The following CAPS2 variants were observed in gnomAD, a reference collection of about 807,000 sequenced individuals.
CAPS2 encodes calcyphosin-2.
In CAPS2, 98 loss-of-function variants were observed where a neutral mutation model predicts 86.5. The observed-to-expected ratio is 1.13, with a 90% CI of 0.96 to 1.34. The LOEUF (loss-of-function observed/expected upper bound fraction) is 1.34, where lower values mean the gene tolerates loss of function less well. CAPS2 is among the 40% of genes most tolerant of loss of function. The pLI is 0.00. For missense variants in CAPS2, 729 were observed against 686.8 expected, an observed-to-expected ratio of 1.06 and a Z score of -0.69; for synonymous variants, 210 against 225.1, an observed-to-expected ratio of 0.93 and a Z score of 0.60.
At chr12:75,324,677 T>C (rs2040602946) in intron 2 of CAPS2, among the ~76,000 whole-genome samples, 1 of 152,102 alleles carries the variant, frequency 6.6e-6, no homozygotes, top group Non-Finnish European at 1.5e-5. Flanking sequence ...GCTTAGTAAA[T>C]TACTAAGTTT....
chr12:75,277,870 G>A (rs1365309934), exon 17 of CAPS2: 25 of 896,582 alleles, frequency 2.8e-5, no homozygotes, highest in Admixed American at 1.9e-4. Context: ...GACTAGCAAA[G>A]AATTTAGAAA....
At chr12:75,285,056 G>T (rs758589318) in exon 15 of CAPS2, 1 of 1,610,604 alleles carries the variant, frequency 6.2e-7, no homozygotes, top group South Asian at 1.1e-5. Flanking sequence ...TTGTCATTCA[G>T]AATTAGCCAT....
exon 17 of CAPS2, chr12:75,278,749 A>G (rs887548932): frequency 5.0e-5 from 66 of 1,328,286 alleles, no homozygotes; most frequent in Non-Finnish European, 6.1e-5. Flanking sequence ...TTGAGAAAAC[A>G]AAACAAAACA....
intron 1 of CAPS2, among the ~76,000 whole-genome samples, chr12:75,389,325 T>G (rs2045454302): frequency 2.0e-5 from 3 of 152,212 alleles, no homozygotes; most frequent in Admixed American, 6.5e-5. Context: ...TTAGCTGGGC[T>G]GTGACACACA....
intron 1 of CAPS2, among the ~76,000 whole-genome samples, chr12:75,374,237 G>A (rs575438748): frequency 1.3e-5 from 2 of 152,322 alleles, no homozygotes; most frequent in African/African-American, 2.4e-5. Context: ...GCCTGGACCT[G>A]TTGCAGAGCC....
At chr12:75,384,810 T>C (rs1339432025) in intron 1 of CAPS2, among the ~76,000 whole-genome samples, 1 of 151,806 alleles carries the variant, frequency 6.6e-6, no homozygotes, top group African/African-American at 2.4e-5. Context: ...TATTACATGA[T>C]GGAGTGGAAT....
intron 1 of CAPS2, chr12:75,370,946 T>C (rs1308855264): frequency 6.6e-6 from 1 of 152,216 alleles, no homozygotes; most frequent in Non-Finnish European, 1.5e-5. Context: ...GAGTAAATTA[T>C]CTGGATGTTT....
chr12:75,356,077 G>C (rs2139506719), intron 1 of CAPS2, among the ~76,000 whole-genome samples: 1 of 151,938 alleles, frequency 6.6e-6, no homozygotes, highest in South Asian at 2.1e-4. Flanking sequence ...AACCACAATG[G>C]CACACATTTA....
chr12:75,377,376 A>G (rs929295808), intron 1 of CAPS2, among the ~76,000 whole-genome samples: 3 of 152,210 alleles, frequency 2.0e-5, no homozygotes, highest in African/African-American at 7.2e-5. Context: ...CACAATCACA[A>G]GGTGAAATCC....
At chr12:75,342,034 C>G (rs1192860050) in intron 1 of CAPS2, among the ~76,000 whole-genome samples, 1 of 152,118 alleles carries the variant, frequency 6.6e-6, no homozygotes, top group Non-Finnish European at 1.5e-5. Flanking sequence ...TGAGTCACCA[C>G]GCCTGGCCAC....
At chr12:75,356,046 G>C (rs1027201727) in intron 1 of CAPS2, among the ~76,000 whole-genome samples, 2 of 152,084 alleles carry the variant, frequency 1.3e-5, no homozygotes, top group Non-Finnish European at 2.9e-5. Context: ...ATACCTGGGT[G>C]ATGAGTTGAT....
chr12:75,382,575 G>A (rs1054301002), intron 1 of CAPS2, among the ~76,000 whole-genome samples: 2 of 152,056 alleles, frequency 1.3e-5, no homozygotes, highest in African/African-American at 2.4e-5. Context: ...AAGAAGCGGA[G>A]GTTGCTGTAA....
chr12:75,301,332 C>A (rs994299584), intron 8 of CAPS2, among the ~76,000 whole-genome samples: 20 of 152,132 alleles, frequency 1.3e-4, no homozygotes, highest in African/African-American at 4.6e-4. Flanking sequence ...GAACAGGAAA[C>A]GTGAGCCTGC....
At chr12:75,330,147 GT>G, upstream of CAPS2, 1 of 325,776 alleles carries the variant, frequency 3.1e-6, no homozygotes, top group East Asian at 4.7e-5. Context: ...CAAGTCCCTT[GT>G]TCGTTCTACG....
chr12:75,376,754 T>C lies in CAPS2; in HGVS notation c.-395+14084A>G, dbSNP rs193135867. Among the ~76,000 whole-genome samples, 609 of 152,292 alleles carry C rather than the reference T, an allele frequency of 4.0e-3. 4 individuals carry two copies. The highest frequency in any genetic ancestry group is 9.8e-3 in the South Asian group (47 of 4,816). ...TCAATGTCCTCATTTTAACAATAGA[T>C]ACCTGGTGAGGCTGAGCGTGCACCT... On this transcript the variant is annotated intron_variant, in intron 1 of 5. Coordinates refer to the CAPS2 transcript ENST00000551829.
chr12:75,334,357 T>C, upstream of CAPS2: 1 of 464,550 alleles, frequency 2.2e-6, no homozygotes, highest in Non-Finnish European at 2.9e-6. Flanking sequence ...GACTGGCCCA[T>C]TGTCAGCATC....
chr12:75,333,243 T>C (rs952566284), upstream of CAPS2, among the ~76,000 whole-genome samples: 3 of 74,830 alleles, frequency 4.0e-5, no homozygotes, highest in Non-Finnish European at 8.2e-5. Context: ...TATATGTCTA[T>C]AGGCAGACAC....
chr12:75,372,640 A>T (rs1295384966), intron 1 of CAPS2, among the ~76,000 whole-genome samples: 1 of 152,102 alleles, frequency 6.6e-6, no homozygotes, highest in African/African-American at 2.4e-5. Context: ...TGTGCCATAT[A>T]TTGGATGCTG....
intron 1 of CAPS2, among the ~76,000 whole-genome samples, chr12:75,326,062 T>G (rs1009483248): frequency 6.6e-6 from 1 of 152,132 alleles, no homozygotes; most frequent in Non-Finnish European, 1.5e-5. Flanking sequence ...AATTCACCCA[T>G]CAGCACTTAT....
Sources: gnomAD v4.1 joint callset for allele counts (sites outside exome capture counted in the v4.1 genomes callset) on GRCh38, gnomAD v4.1.1 for gene constraint, MANE v1.5 for transcripts, NCBI Gene and HGNC (gene_info 2026-07-23, HGNC 2026-07-21) for gene names.